The following SHISA6 variants were observed in gnomAD, a reference collection of about 807,000 sequenced individuals.
SHISA6 encodes the protein protein shisa-6.
Under a neutral mutation model 47.9 loss-of-function variants are expected in SHISA6, and 22 were observed. The ratio of observed to expected loss-of-function variants is 0.46; its 90% CI spans 0.33 to 0.66. The LOEUF (loss-of-function observed/expected upper bound fraction) is 0.66, where lower values mean the gene tolerates loss of function less well. SHISA6 is among the 30% of genes least tolerant of loss of function. The probability of loss-of-function intolerance (pLI) is 0.02; values close to 1 mark genes in which losing one functional copy is unlikely to be tolerated. For synonymous variants in SHISA6, 388 were observed against 337.8 expected (o/e 1.15, Z -1.63); for missense variants, 680 against 764.6 (o/e 0.89, Z 1.30).
At chr17:11,468,098 C>T (rs552711863) in intron 3 of SHISA6, among the ~76,000 whole-genome samples, 151 of 152,020 alleles carry the variant, frequency 9.9e-4, no homozygotes, top group Admixed American at 2.4e-3. Context: ...AGTTTATTTG[C>T]TCTGTTTCCC....
At chr17:11,502,650 C>T (rs905356926) in intron 3 of SHISA6, among the ~76,000 whole-genome samples, 4 of 152,022 alleles carry the variant, frequency 2.6e-5, no homozygotes, top group African/African-American at 7.2e-5. Flanking sequence ...TCGCTTGAAC[C>T]CAGGAGGCAG....
chr17:11,465,850 C>G (rs1185981928), intron 3 of SHISA6, among the ~76,000 whole-genome samples: 1 of 152,206 alleles, frequency 6.6e-6, no homozygotes, highest in African/African-American at 2.4e-5. Flanking sequence ...GTCTCCAGGC[C>G]TATCTCCCCG....
At chr17:11,331,274 T>C (rs376480548) in intron 2 of SHISA6, among the ~76,000 whole-genome samples, 1 of 152,208 alleles carries the variant, frequency 6.6e-6, no homozygotes, top group South Asian at 2.1e-4. Flanking sequence ...TGGAAAAGCT[T>C]CTTCTTCAGA....
chr17:11,416,980 A>G (rs1192453245), intron 3 of SHISA6, among the ~76,000 whole-genome samples: 2 of 152,248 alleles, frequency 1.3e-5, no homozygotes, highest in East Asian at 1.9e-4. Flanking sequence ...ACCCAAAACC[A>G]TCTGACTCGA....
intron 1 of SHISA6, among the ~76,000 whole-genome samples, chr17:11,258,617 T>A (rs1908103912): frequency 6.6e-6 from 1 of 152,220 alleles, no homozygotes; most frequent in Non-Finnish European, 1.5e-5. Flanking sequence ...CCTGCCAGAC[T>A]ACTGGGAAAT....
At chr17:11,477,769 A>G (rs1376139334) in intron 3 of SHISA6, among the ~76,000 whole-genome samples, 1 of 150,562 alleles carries the variant, frequency 6.6e-6, no homozygotes, top group East Asian at 2.0e-4. Flanking sequence ...TTATGGCTGC[A>G]TAGTATTCCA....
At chr17:11,390,375 T>C (rs1213276815) in intron 3 of SHISA6, among the ~76,000 whole-genome samples, 3 of 152,140 alleles carry the variant, frequency 2.0e-5, no homozygotes, top group Non-Finnish European at 4.4e-5. Flanking sequence ...CTCTGAGCAC[T>C]CAAGCAATGG....
intron 2 of SHISA6, among the ~76,000 whole-genome samples, chr17:11,368,519 C>T (rs1273114958): frequency 6.6e-6 from 1 of 152,090 alleles, no homozygotes; most frequent in Non-Finnish European, 1.5e-5. Context: ...TTGAAATATT[C>T]AGTATACTTG....
At chr17:11,383,659 A>G (rs1913103310) in intron 3 of SHISA6, among the ~76,000 whole-genome samples, 1 of 152,112 alleles carries the variant, frequency 6.6e-6, no homozygotes, top group African/African-American at 2.4e-5. Flanking sequence ...TTCTAACTGA[A>G]TGGCATACTC....
intron 3 of SHISA6, among the ~76,000 whole-genome samples, chr17:11,414,114 CTCTCCTCCT>C (rs1318167287): frequency 1.3e-5 from 2 of 151,596 alleles, no homozygotes; most frequent in African/African-American, 2.4e-5. Flanking sequence ...CCTTTCCCTC[CTCTCCTCCT>C]TCTCCTCCTC....
intron 3 of SHISA6, among the ~76,000 whole-genome samples, chr17:11,450,502 C>A (rs1351949133): frequency 6.6e-6 from 1 of 151,874 alleles, no homozygotes; most frequent in Admixed American, 6.6e-5. Flanking sequence ...ACTAAATATA[C>A]CAAAAAATTA....
At chr17:11,429,562 C>T (rs982932315) in intron 3 of SHISA6, among the ~76,000 whole-genome samples, 2 of 151,376 alleles carry the variant, frequency 1.3e-5, no homozygotes, top group African/African-American at 4.9e-5. Flanking sequence ...GGGTGGATCT[C>T]CTGAGGTTGG....
chr17:11,448,693 G>T (rs980949712), intron 3 of SHISA6, among the ~76,000 whole-genome samples: 1 of 152,146 alleles, frequency 6.6e-6, no homozygotes, highest in African/African-American at 2.4e-5. Context: ...GGGCGTGGTG[G>T]TGAGTGCCTG....
At chr17:11,332,783 G>C (rs1204524558) in intron 2 of SHISA6, among the ~76,000 whole-genome samples, 2 of 152,148 alleles carry the variant, frequency 1.3e-5, no homozygotes, top group Non-Finnish European at 2.9e-5. Context: ...CACTCTCATT[G>C]CTTTAGGAAA....
At chr17:11,353,602 C>T (rs1159933639) in intron 2 of SHISA6, among the ~76,000 whole-genome samples, 1 of 152,072 alleles carries the variant, frequency 6.6e-6, no homozygotes, top group Non-Finnish European at 1.5e-5. Context: ...CCCAGTGTGG[C>T]TCACCCCCAG....
rs1178642809 is a variant in SHISA6 at position 11,241,957 on chromosome 17, T to C, written c.535T>C (p.Tyr179His). 1.3e-6 allele frequency: 2 copies of C among 1,550,968 alleles called. No homozygotes were observed. The highest frequency in any genetic ancestry group is 8.7e-7 in the Non-Finnish European group (1 of 1,147,016). ...PEKDKTNFTV[Y>H]ITCGVIAFVI... ...GAAGGACAAGACCAACTTCACCGTC[T>C]ACATCACCTGCGGGGTGATCGCCTT... Residue 179 changes from tyrosine (Y) to histidine (H), a missense_variant, in exon 1 of 6, where the codon TAC becomes CAC. Coordinates refer to ENST00000441885, the MANE Select transcript of SHISA6 (RefSeq NM_207386.4). The surrounding 1 kb of genome is among the most constrained non-coding windows in gnomAD (Gnocchi z 5.5).
At chr17:11,470,979 G>A (rs1161094418) in intron 3 of SHISA6, among the ~76,000 whole-genome samples, 2 of 151,738 alleles carry the variant, frequency 1.3e-5, no homozygotes, top group East Asian at 3.9e-4. Flanking sequence ...GGAGGCTGAG[G>A]CAGGTGGATC....
intron 3 of SHISA6, among the ~76,000 whole-genome samples, chr17:11,400,608 T>A (rs1913736041): frequency 6.6e-6 from 1 of 152,208 alleles, no homozygotes; most frequent in Non-Finnish European, 1.5e-5. Flanking sequence ...CAACTGTCTA[T>A]TGTCAAATTA....
chr17:11,318,506 G>A (rs1910597760), intron 2 of SHISA6, among the ~76,000 whole-genome samples: 1 of 152,044 alleles, frequency 6.6e-6, no homozygotes, highest in African/African-American at 2.4e-5. Flanking sequence ...ATGTGAGCCT[G>A]TCCCCTGCTT....
Sources: gnomAD v4.1 joint callset for allele counts (sites outside exome capture counted in the v4.1 genomes callset) on GRCh38, gnomAD v4.1.1 for gene constraint, Gnocchi (gnomAD v3.1) non-coding constraint, MANE v1.5 for transcripts, NCBI Gene and HGNC (gene_info 2026-07-23, HGNC 2026-07-21) for gene names.